Variants in DAB1 observed in about 807,000 individuals in gnomAD.
DAB1 encodes disabled homolog 1.
In DAB1, 15 loss-of-function variants were observed where a neutral mutation model predicts 64.6. The ratio of observed to expected loss-of-function variants is 0.23; its 90% CI spans 0.16 to 0.36. The LOEUF (loss-of-function observed/expected upper bound fraction) is 0.36, where lower values mean the gene tolerates loss of function less well. DAB1 is among the 10% of genes least tolerant of loss of function. DAB1 has a pLI of 1.00. For synonymous variants in DAB1, 235 were observed against 251.9 expected (o/e 0.93, Z 0.64); for missense variants, 596 against 706.7 (o/e 0.84, Z 1.78).
intron 6 of DAB1, among the ~76,000 whole-genome samples, chr1:57,804,356 G>A (rs1569735861): frequency 6.6e-6 from 1 of 152,132 alleles, no homozygotes; most frequent in Non-Finnish European, 1.5e-5. Flanking sequence ...GGAACCACAA[G>A]GGGTGACTTG....
chr1:58,059,740 C>T (rs1323495060), intron 5 of DAB1, among the ~76,000 whole-genome samples: 1 of 152,234 alleles, frequency 6.6e-6, no homozygotes, highest in African/African-American at 2.4e-5. Context: ...TTGCCATTTT[C>T]AGTCTGCCCA....
chr1:57,186,288 C>A (rs1016368367), intron 2 of DAB1, among the ~76,000 whole-genome samples: 2 of 152,130 alleles, frequency 1.3e-5, no homozygotes, highest in African/African-American at 2.4e-5. Flanking sequence ...ATGGGAAAAA[C>A]CAACTCACAA....
chr1:57,603,161 G>A (rs891596435), intron 7 of DAB1, among the ~76,000 whole-genome samples: 2 of 152,048 alleles, frequency 1.3e-5, no homozygotes, highest in Admixed American at 6.5e-5. Context: ...TAGTAGAGAG[G>A]GGGGTTTCTC....
At chr1:57,276,064 G>A (rs898481561) in intron 2 of DAB1, among the ~76,000 whole-genome samples, 1 of 152,194 alleles carries the variant, frequency 6.6e-6, no homozygotes, top group African/African-American at 2.4e-5. Context: ...TATGATATGA[G>A]AATAGCTTAA....
chr1:57,711,666 T>C (rs557927058), intron 6 of DAB1, among the ~76,000 whole-genome samples: 2 of 152,012 alleles, frequency 1.3e-5, no homozygotes, highest in Admixed American at 6.6e-5. Flanking sequence ...CAGGAAAGAG[T>C]AGATTAAAAT....
At chr1:57,354,332 A>G (rs897204982) in intron 1 of DAB1, among the ~76,000 whole-genome samples, 4 of 152,142 alleles carry the variant, frequency 2.6e-5, no homozygotes, top group African/African-American at 7.2e-5. Flanking sequence ...AAATCAATCA[A>G]TCCTAATCCT....
intron 4 of DAB1, among the ~76,000 whole-genome samples, chr1:58,302,257 A>G (rs1448983121): frequency 6.6e-6 from 1 of 152,148 alleles, no homozygotes; most frequent in East Asian, 1.9e-4. Context: ...ATAGTCCAAG[A>G]AAATCCCTTT....
At chr1:58,393,627 C>T (rs548166473) in intron 3 of DAB1, among the ~76,000 whole-genome samples, 32 of 152,028 alleles carry the variant, frequency 2.1e-4, no homozygotes, top group Non-Finnish European at 4.4e-4. Flanking sequence ...ACTTTGAAAA[C>T]ACAAGAAGAT....
At chr1:57,734,049 T>C (rs1019025610) in intron 6 of DAB1, among the ~76,000 whole-genome samples, 11 of 152,150 alleles carry the variant, frequency 7.2e-5, no homozygotes, top group Admixed American at 4.6e-4. Flanking sequence ...GCTTGATTTA[T>C]CTAAGCCAGG....
intron 5 of DAB1, among the ~76,000 whole-genome samples, chr1:58,093,228 G>A (rs542733667): frequency 1.4e-4 from 22 of 152,308 alleles, no homozygotes; most frequent in African/African-American, 4.6e-4. Flanking sequence ...CCATGGGGGC[G>A]TAGTGAATTT....
At chr1:57,734,641 C>T (rs1251060748) in intron 6 of DAB1, among the ~76,000 whole-genome samples, 1 of 152,176 alleles carries the variant, frequency 6.6e-6, no homozygotes, top group South Asian at 2.1e-4. Context: ...TCGCTTAACC[C>T]TTGCTGATTC....
intron 2 of DAB1, among the ~76,000 whole-genome samples, chr1:57,186,045 G>A (rs961717930): frequency 6.6e-6 from 1 of 152,154 alleles, no homozygotes; most frequent in Non-Finnish European, 1.5e-5. Flanking sequence ...AGTCTTGCCT[G>A]TATATCAATA....
chr1:58,415,711 C>A (rs1175020576), intron 3 of DAB1, among the ~76,000 whole-genome samples: 2 of 152,190 alleles, frequency 1.3e-5, no homozygotes, highest in African/African-American at 4.8e-5. Flanking sequence ...AACCGTGTGT[C>A]AGGCACTAGG....
chr1:57,052,348 C>T (rs980635440), intron 9 of DAB1, among the ~76,000 whole-genome samples: 8 of 152,164 alleles, frequency 5.3e-5, no homozygotes, highest in Admixed American at 4.6e-4. Context: ...ATCATTTTCT[C>T]CCAGGATATC....
At chr1:58,156,383 A>G (rs1655230256) in intron 4 of DAB1, among the ~76,000 whole-genome samples, 1 of 152,208 alleles carries the variant, frequency 6.6e-6, no homozygotes, top group Admixed American at 6.5e-5. Flanking sequence ...CAACCTGGGC[A>G]TGTTTCAAGT....
chr1:57,143,496 T>C (rs957416998), intron 3 of DAB1, among the ~76,000 whole-genome samples: 8 of 152,238 alleles, frequency 5.3e-5, no homozygotes, highest in African/African-American at 1.9e-4. Flanking sequence ...ATCATGGTAT[T>C]GATGTCTTTT....
At chr1:57,918,630 C>T (rs1361350980) in intron 5 of DAB1, among the ~76,000 whole-genome samples, 13 of 152,130 alleles carry the variant, frequency 8.5e-5, no homozygotes, top group East Asian at 1.9e-4. Context: ...ACAGACCATC[C>T]TGGCTAACAC....
chr1:58,474,246 G>A (rs921712227), intron 3 of DAB1, among the ~76,000 whole-genome samples: 13 of 152,198 alleles, frequency 8.5e-5, no homozygotes, highest in Admixed American at 2.6e-4. Flanking sequence ...GATAAACTGA[G>A]CTTTCGAGAG....
intron 4 of DAB1, among the ~76,000 whole-genome samples, chr1:58,328,283 C>A (rs1274497691): frequency 6.6e-6 from 1 of 152,190 alleles, no homozygotes; most frequent in Non-Finnish European, 1.5e-5. Context: ...GAAAGCCTAT[C>A]AATTTCGCTT....
Sources: gnomAD v4.1 joint callset for allele counts (sites outside exome capture counted in the v4.1 genomes callset) on GRCh38, gnomAD v4.1.1 for gene constraint, MANE v1.5 for transcripts, NCBI Gene and HGNC (gene_info 2026-07-23, HGNC 2026-07-21) for gene names.